The following ADGRL4 variants were observed in gnomAD, a reference collection of about 807,000 sequenced individuals.
ADGRL4 encodes EGF, latrophilin and seven transmembrane domain containing 1.
ADGRL4 carries 90 observed loss-of-function variants against 74.8 expected under a neutral mutation model. That is an observed-to-expected ratio of 1.20 (90% CI 1.02 to 1.43). The LOEUF is 1.43. Among genes scored for constraint, ADGRL4 ranks in the 40% most tolerant of loss-of-function variants. ADGRL4 has a pLI of 0.00. For missense variants in ADGRL4, 881 were observed against 814.3 expected, an observed-to-expected ratio of 1.08 and a Z score of -1.00; for synonymous variants, 311 against 279.2, an observed-to-expected ratio of 1.11 and a Z score of -1.14.
intron 2 of ADGRL4, 24 bp downstream of exon 2, chr1:79,005,046 A>C (rs1650929603): frequency 6.2e-7 from 1 of 1,605,128 alleles, no homozygotes. Flanking sequence ...GTATAATCCA[A>C]AAGAAGTAAC....
rs183827922 is a variant in ADGRL4 at position 78,936,268 on chromosome 1, T to C, written c.877+27A>G. Reference sequence around the variant, plus strand: ...TATTTATTGCAAATTCATTGATATATTGTCTGTTAGATTGTTAAAGTCCTA... The same window carrying C: ...TATTTATTGCAAATTCATTGATATACTGTCTGTTAGATTGTTAAAGTCCTA... On this transcript the variant is annotated intron_variant, in intron 7 of 14. Transcript: ENST00000370742. 1,418 of 1,575,210 alleles carry C rather than the reference T, an allele frequency of 9.0e-4. 14 individuals carry two copies. In the African/African-American group the frequency reaches 0.017, roughly 19 times the overall value.
chr1:78,994,920 T>A (rs1434982868), intron 2 of ADGRL4, among the ~76,000 whole-genome samples: 1 of 152,230 alleles, frequency 6.6e-6, no homozygotes, highest in African/African-American at 2.4e-5. Context: ...TGATCAATTC[T>A]ACTTTTACCA....
intron 2 of ADGRL4, among the ~76,000 whole-genome samples, chr1:78,957,918 C>G (rs1210394384): frequency 2.0e-5 from 3 of 152,172 alleles, no homozygotes; most frequent in East Asian, 1.9e-4. Context: ...GGGACTGATG[C>G]AGCTGTTGAT....
chr1:78,950,365 G>T (rs1649698037), intron 2 of ADGRL4, among the ~76,000 whole-genome samples: 1 of 152,100 alleles, frequency 6.6e-6, no homozygotes, highest in Non-Finnish European at 1.5e-5. Context: ...ATCTGTGCAG[G>T]TAGGCATGGC....
chr1:78,960,102 T>C (rs1649919153), intron 2 of ADGRL4, among the ~76,000 whole-genome samples: 1 of 152,178 alleles, frequency 6.6e-6, no homozygotes, highest in African/African-American at 2.4e-5. Context: ...TCATCCCTCA[T>C]TGCTTATTGA....
intron 2 of ADGRL4, among the ~76,000 whole-genome samples, chr1:78,983,823 T>G (rs1035074786): frequency 2.0e-5 from 3 of 151,796 alleles, no homozygotes; most frequent in African/African-American, 7.2e-5. Context: ...AAAAGTAGAT[T>G]GCCTACGAAG....
chr1:78,993,280 C>T (rs1173776805), intron 2 of ADGRL4, among the ~76,000 whole-genome samples: 5 of 152,092 alleles, frequency 3.3e-5, no homozygotes, highest in South Asian at 2.1e-4. Flanking sequence ...AAATTTAGGG[C>T]ATGATAATAA....
At chr1:78,982,353 A>T (rs1650412003) in intron 2 of ADGRL4, among the ~76,000 whole-genome samples, 1 of 151,952 alleles carries the variant, frequency 6.6e-6, no homozygotes, top group Non-Finnish European at 1.5e-5. Flanking sequence ...ATAATAGATC[A>T]AGTGAGATGT....
At chr1:78,918,153 T>C in intron 10 of ADGRL4, 103 bp from the exon 11 acceptor site, 1 of 858,258 alleles carries the variant, frequency 1.2e-6, no homozygotes, top group Non-Finnish European at 1.8e-6. Flanking sequence ...TTCTTTATAC[T>C]ATAAAGTATG....
chr1:78,943,589 C>T (rs560112387), intron 3 of ADGRL4, among the ~76,000 whole-genome samples: 35 of 152,156 alleles, frequency 2.3e-4, no homozygotes, highest in African/African-American at 7.2e-4. Context: ...CTATAATTAC[C>T]AGAAATGTCA....
intron 12 of ADGRL4, among the ~76,000 whole-genome samples, chr1:78,906,520 C>T (rs1040772095): frequency 4.0e-5 from 6 of 151,492 alleles, no homozygotes; most frequent in African/African-American, 4.8e-5. Context: ...TGATTTTAAA[C>T]CATGGAAAGG....
At chr1:78,893,058 CAA>C (rs10640737) in intron 13 of ADGRL4, 38 bp downstream of exon 13, 7,165 of 839,608 alleles carry the variant, frequency 8.5e-3, no homozygotes, top group South Asian at 0.013. Context: ...TTTTAATTAC[CAA>C]AAAAAAAAAA....
intron 3 of ADGRL4, among the ~76,000 whole-genome samples, chr1:78,943,083 T>C (rs1198788517): frequency 6.6e-6 from 1 of 152,054 alleles, no homozygotes; most frequent in Non-Finnish European, 1.5e-5. Context: ...TACAGTTTTC[T>C]AATGCGTAAC....
chr1:78,943,696 T>C (rs551156768), intron 3 of ADGRL4, among the ~76,000 whole-genome samples: 2 of 152,300 alleles, frequency 1.3e-5, no homozygotes, highest in Non-Finnish European at 1.5e-5. Context: ...TCTGTTCAAA[T>C]TCCCTGAGGA....
intron 2 of ADGRL4, among the ~76,000 whole-genome samples, chr1:78,983,492 A>G (rs1241728597): frequency 6.6e-6 from 1 of 151,812 alleles, no homozygotes; most frequent in Non-Finnish European, 1.5e-5. Context: ...AACTGGTTGA[A>G]CAACAGATTA....
intron 2 of ADGRL4, among the ~76,000 whole-genome samples, chr1:78,966,703 TGGCCAAG>T (rs1390867153): frequency 6.6e-6 from 1 of 152,140 alleles, no homozygotes; most frequent in African/African-American, 2.4e-5. Context: ...TCCCCTTCCC[TGGCCAAG>T]GGCTTCAACT....
intron 7 of ADGRL4, among the ~76,000 whole-genome samples, chr1:78,933,351 C>A (rs191927523): frequency 5.9e-5 from 9 of 151,500 alleles, no homozygotes; most frequent in African/African-American, 2.0e-4. Context: ...TCAATAGATG[C>A]AGAAAAGGCA....
At chr1:78,908,100 G>A (rs1648683726) in intron 12 of ADGRL4, among the ~76,000 whole-genome samples, 1 of 151,950 alleles carries the variant, frequency 6.6e-6, no homozygotes, top group Non-Finnish European at 1.5e-5. Flanking sequence ...GGGACAGAGG[G>A]ATATGACAAA....
intron 12 of ADGRL4, among the ~76,000 whole-genome samples, chr1:78,894,695 G>T (rs17102366): frequency 0.025 from 3,815 of 151,674 alleles, 72 homozygotes; most frequent in South Asian, 0.053. Flanking sequence ...GTAAAATTTG[G>T]TTAGTCTAAA....
Sources: allele counts gnomAD v4.1 joint callset (sites outside exome capture counted in the v4.1 genomes callset), GRCh38; gene constraint gnomAD v4.1.1; transcripts MANE v1.5; gene names NCBI Gene and HGNC (gene_info 2026-07-23, HGNC 2026-07-21).